Variants in ADAM19 observed in about 807,000 individuals in gnomAD.
ADAM19 encodes disintegrin and metalloproteinase domain-containing protein 19.
Under a neutral mutation model 114.7 loss-of-function variants are expected in ADAM19, and 65 were observed. The observed-to-expected ratio is 0.57, with a 90% CI of 0.46 to 0.70. The LOEUF (loss-of-function observed/expected upper bound fraction) is 0.70, where lower values mean the gene tolerates loss of function less well. Ranked by LOEUF, ADAM19 falls within the 30% of genes least tolerant of loss-of-function variation. The probability of loss-of-function intolerance (pLI) is 0.00; values close to 1 mark genes in which losing one functional copy is unlikely to be tolerated. For missense variants in ADAM19, 1,063 were observed against 1,204.7 expected (o/e 0.88, Z 1.74); for synonymous variants, 466 against 460.5 (o/e 1.01, Z -0.15).
At position 157,526,255 on chromosome 5, in the gene ADAM19, C is replaced by T. The variant is rs142040795; in HGVS notation, c.407+4552G>A. On this transcript the variant is annotated intron_variant, in intron 5 of 22. Transcript: ENST00000257527. Reference sequence around the variant, plus strand: ...CAACAGTAATTAAGGATACCTCCAACAGTAATAACAGATGGAGAATGGGAT... The same window carrying T: ...CAACAGTAATTAAGGATACCTCCAATAGTAATAACAGATGGAGAATGGGAT... Among the ~76,000 whole-genome samples the T allele has an allele frequency of 1.4e-4, 22 of 151,906 alleles. No individual in the cohort carries two copies. In the East Asian group the frequency reaches 2.5e-3, roughly 17 times the overall value.
chr5:157,484,243 A>AT (rs1754855617), intron 21 of ADAM19, among the ~76,000 whole-genome samples: 1 of 151,934 alleles, frequency 6.6e-6, no homozygotes, highest in Non-Finnish European at 1.5e-5. Context: ...CAACATATAT[A>AT]ATTTATTTAC....
chr5:157,504,627 T>C (rs1468630650), intron 11 of ADAM19, among the ~76,000 whole-genome samples: 2 of 152,142 alleles, frequency 1.3e-5, no homozygotes, highest in East Asian at 3.9e-4. Flanking sequence ...AGCTGCACTG[T>C]TTCTTGGAGA....
chr5:157,527,535 G>C (rs1756507139), intron 5 of ADAM19, among the ~76,000 whole-genome samples: 1 of 152,130 alleles, frequency 6.6e-6, no homozygotes, highest in African/African-American at 2.4e-5. Context: ...TAAACCATCA[G>C]ATCTTGTAAG....
rs1345232924 is a variant in ADAM19, at chr5:157,500,287, C to A, written c.1309-625G>T. Among the ~76,000 whole-genome samples the A allele has an allele frequency of 2.6e-5, 4 of 152,292 alleles. No individual in the cohort carries two copies. In the East Asian group the frequency reaches 7.7e-4, roughly 29 times the overall value. On this transcript the variant is annotated intron_variant, in intron 12 of 22. Coordinates refer to ENST00000257527, the MANE Select transcript of ADAM19 (RefSeq NM_033274.5). ...AAGTAGCTGGGACCACAGGCACACA[C>A]CACCATGCCCCGCTAGGACACAGCT...
chr5:157,478,543 C>T lies in ADAM19; in HGVS notation c.*2406G>A. 1.0e-6 allele frequency: 1 copy of T among 983,798 alleles called. No individual in the cohort carries two copies. Among genetic ancestry groups the T allele is most frequent in the Non-Finnish European group, 1.2e-6 (1 of 828,336 alleles). 60.9% of individuals were successfully genotyped at this position (983,798 alleles called of 1,614,324 possible). A position where few individuals can be genotyped will look rare whatever the true frequency, so the allele number is the denominator to read the frequency against. On this transcript the variant is annotated 3_prime_UTR_variant, in exon 23 of 23. Coordinates refer to ENST00000257527, the MANE Select transcript of ADAM19 (RefSeq NM_033274.5). ...AATAAGGTCTCTCCTTCCCTAAGCCCAGATTTATTTGTATTTGACACCTCA... is the reference window on the plus strand; with the variant it reads ...AATAAGGTCTCTCCTTCCCTAAGCCTAGATTTATTTGTATTTGACACCTCA...
At chr5:157,554,926 C>G (rs1175669826) in intron 3 of ADAM19, among the ~76,000 whole-genome samples, 11 of 152,142 alleles carry the variant, frequency 7.2e-5, no homozygotes, top group African/African-American at 2.7e-4. Context: ...CTGGATTACA[C>G]TATCACATTA....
intron 3 of ADAM19, among the ~76,000 whole-genome samples, chr5:157,551,545 C>G (rs1003411427): frequency 2.0e-5 from 3 of 151,556 alleles, no homozygotes; most frequent in Non-Finnish European, 4.4e-5. Context: ...CAAGCACAGG[C>G]AACCAAAGAA....
Position 157,480,550 on chromosome 5 carries a change from T to C in ADAM19, c.*399A>G. On this transcript the variant is annotated 3_prime_UTR_variant, in exon 23 of 23. Transcript: ENST00000257527. Reference sequence around the variant, plus strand: ...GGAGAGCAGAAGCAATGGGAAGCTCTCTTGCGTGCCCTGCACCCCAGGAGT... The same window carrying C: ...GGAGAGCAGAAGCAATGGGAAGCTCCCTTGCGTGCCCTGCACCCCAGGAGT... The C allele has an allele frequency of 9.7e-7, 1 of 1,027,232 alleles. No homozygotes were observed. Among genetic ancestry groups the C allele is most frequent in the African/African-American group, 1.7e-5 (1 of 58,438 alleles). The allele number at this position is 1,027,232 out of a possible 1,614,324, so 63.6% of individuals were successfully genotyped here.
intron 12 of ADAM19, among the ~76,000 whole-genome samples, chr5:157,499,882 G>A (rs1251057431): frequency 2.0e-5 from 3 of 150,320 alleles, no homozygotes; most frequent in African/African-American, 4.9e-5. Context: ...GGTTTCAAGC[G>A]ATTCTCCCGC....
intron 8 of ADAM19, among the ~76,000 whole-genome samples, chr5:157,511,836 A>G (rs1208828670): frequency 1.3e-5 from 2 of 152,206 alleles, no homozygotes; most frequent in African/African-American, 4.8e-5. Flanking sequence ...GGAGAGAGCC[A>G]AGACGGCTGC....
At chr5:157,505,962 C>G (rs1333505542) in intron 10 of ADAM19, among the ~76,000 whole-genome samples, 154 bp from the exon 11 acceptor site, 1 of 152,194 alleles carries the variant, frequency 6.6e-6, no homozygotes. Context: ...GACAGCAAGG[C>G]TGAATCTGCT....
At chr5:157,544,472 T>C (rs1756998252) in intron 3 of ADAM19, among the ~76,000 whole-genome samples, 1 of 152,214 alleles carries the variant, frequency 6.6e-6, no homozygotes, top group Non-Finnish European at 1.5e-5. Context: ...CAAAGGATGT[T>C]TGGATGAGCA....
At chr5:157,511,778 T>C (rs981943233) in intron 8 of ADAM19, among the ~76,000 whole-genome samples, 2 of 152,232 alleles carry the variant, frequency 1.3e-5, no homozygotes, top group African/African-American at 4.8e-5. Context: ...TCCAGAGAAG[T>C]GGGCGTGGCT....
chr5:157,477,625 C>A lies in ADAM19; in HGVS notation c.*3324G>T. On this transcript the variant is annotated 3_prime_UTR_variant, in exon 23 of 23. Coordinates refer to ENST00000257527, the MANE Select transcript of ADAM19 (RefSeq NM_033274.5). ...TGGGGAAGGGGACCTTTCCAGTTGG[C>A]GTTCCCATGGCTTTCTTGGGTGTCC... 1.6e-6 allele frequency: 2 copies of A among 1,281,140 alleles called. No homozygotes were observed. The highest frequency in any genetic ancestry group is 2.0e-6 in the Non-Finnish European group (2 of 983,068). The allele number at this position is 1,281,140 out of a possible 1,614,324, so 79.4% of individuals were successfully genotyped here.
chr5:157,521,666 C>A (rs1410866590), intron 5 of ADAM19, among the ~76,000 whole-genome samples: 2 of 152,174 alleles, frequency 1.3e-5, no homozygotes, highest in African/African-American at 4.8e-5. Flanking sequence ...TACCCAATCA[C>A]CCCCTCTGAC....
intron 11 of ADAM19, 76 bp downstream of exon 11, chr5:157,505,593 T>C (rs1283358541): frequency 6.6e-7 from 1 of 1,515,670 alleles, no homozygotes; most frequent in Non-Finnish European, 8.9e-7. Flanking sequence ...TGGGGCCAGC[T>C]GGGAGGAACC....
At chr5:157,541,157 G>A (rs1014733259) in intron 3 of ADAM19, among the ~76,000 whole-genome samples, 15 of 151,980 alleles carry the variant, frequency 9.9e-5, no homozygotes, top group South Asian at 6.2e-4. Context: ...TGAGCAGCCC[G>A]GCCCAGCCCA....
chr5:157,519,857 G>T lies in ADAM19; in HGVS notation c.582C>A (p.Thr194=). The T allele has an allele frequency of 6.2e-7, 1 of 1,613,316 alleles. No homozygotes were observed. Among genetic ancestry groups the T allele is most frequent in the African/African-American group, 1.3e-5 (1 of 74,976 alleles). ...AACTCACCCTGCGAGGTCGCTTCTT[G>T]GTCTGTTGTGTAAACTGAAGAGCCC... ...RDWALQFTQQ[T]KKRPRRMKRE... The change falls in exon 6 of 23, where the codon ACC becomes ACA. Residue 194 remains threonine (T), a synonymous_variant. Transcript: ENST00000257527.
intron 21 of ADAM19, 119 bp from the exon 22 acceptor site, chr5:157,482,062 T>C: frequency 2.4e-6 from 2 of 823,528 alleles, no homozygotes; most frequent in Admixed American, 6.3e-5. Context: ...TGGTCCCATT[T>C]AGAAAGAAAC....
Sources: allele counts gnomAD v4.1 joint callset (sites outside exome capture counted in the v4.1 genomes callset), GRCh38; gene constraint gnomAD v4.1.1; transcripts MANE v1.5; gene names NCBI Gene and HGNC (gene_info 2026-07-23, HGNC 2026-07-21).